TANK: variants seen among roughly 807,000 people sequenced by gnomAD.
The protein encoded by TANK is TRAF family member associated NFKB activator, also known as TRAF family member-associated NF-kappa-B activator.
A neutral mutation model predicts 43.6 loss-of-function variants in TANK; 15 were observed. The ratio of observed to expected loss-of-function variants is 0.34; its 90% confidence interval spans 0.23 to 0.53. TANK has a LOEUF of 0.53. TANK is among the 20% of genes least tolerant of loss of function. The pLI, the probability that TANK is intolerant of heterozygous loss-of-function variation, is 0.94. For synonymous variants in TANK, 162 were observed against 178.2 expected (o/e 0.91, Z 0.73); for missense variants, 417 against 498.6 (o/e 0.84, Z 1.56).
In TANK at chr2:161,165,039, C is replaced by CT. The variant is rs11314845; in HGVS notation, c.-50+4574dup. Among the ~76,000 whole-genome samples the CT allele has an allele frequency of 2.1e-3, 202 of 97,670 alleles. 1 individual carries two copies. Among genetic ancestry groups the CT allele is most frequent in the South Asian group, 8.7e-3 (27 of 3,110 alleles). The allele number at this position is 97,670 out of a possible 152,430, so 64.1% of individuals were successfully genotyped here. A position where few individuals can be genotyped will look rare whatever the true frequency, so the allele number is the denominator to read the frequency against. Reference sequence around the variant, plus strand: ...TAATAGCTTTTACTTAACACCAATACTTTTTTTTTTTTTTTTTTTTTGCAA... The same window carrying CT: ...TAATAGCTTTTACTTAACACCAATACTTTTTTTTTTTTTTTTTTTTTTGCAA... On this transcript the variant is annotated intron_variant, in intron 1 of 7. Coordinates refer to ENST00000392749, the MANE Select transcript of TANK (RefSeq NM_001199135.3).
chr2:161,186,927 A>G (rs1685686587), intron 2 of TANK, among the ~76,000 whole-genome samples: 1 of 152,192 alleles, frequency 6.6e-6, no homozygotes, highest in Non-Finnish European at 1.5e-5. Flanking sequence ...TGCTTACCAT[A>G]CTAATCATTA....
intron 2 of TANK, among the ~76,000 whole-genome samples, chr2:161,184,512 C>A (rs1685570495): frequency 6.6e-6 from 1 of 151,980 alleles, no homozygotes; most frequent in African/African-American, 2.4e-5. Flanking sequence ...TATTATACCT[C>A]AATTTTTTAA....
At chr2:161,223,870 G>C in intron 4 of TANK, 45 bp from the exon 5 acceptor site, 4 of 1,277,348 alleles carry the variant, frequency 3.1e-6, no homozygotes, top group Non-Finnish European at 3.3e-6. Context: ...ATTTGAATTT[G>C]GGAGCAATTT....
intron 6 of TANK, among the ~76,000 whole-genome samples, chr2:161,229,505 T>C (rs527902516): frequency 5.3e-5 from 8 of 152,316 alleles, no homozygotes; most frequent in South Asian, 2.1e-4. Context: ...AAGGCTGTTA[T>C]AATAATCCAA....
upstream of TANK, among the ~76,000 whole-genome samples, chr2:161,155,682 C>T (rs1245111431): frequency 1.3e-5 from 2 of 152,132 alleles, no homozygotes; most frequent in African/African-American, 2.4e-5. Flanking sequence ...TTTTTTCCAC[C>T]TGGATTCTTG....
chr2:161,231,435 T>A lies in TANK; in HGVS notation c.985T>A (p.Leu329Met), dbSNP rs1287727713. 3 of 1,614,064 alleles carry A rather than the reference T, an allele frequency of 1.9e-6. No individual in the cohort carries two copies. Among genetic ancestry groups the A allele is most frequent in the Non-Finnish European group, 2.5e-6 (3 of 1,180,032 alleles). ...GACAACTCTGGATAGAGCTGCGTGTTTGCCACCTGGAGACCATAATGCATT... is the reference window on the plus strand; with the variant it reads ...GACAACTCTGGATAGAGCTGCGTGTATGCCACCTGGAGACCATAATGCATT... The part of the protein sequence containing the change: ...IRTTLDRAAC[L>M]PPGDHNALYV... Residue 329 changes from leucine to methionine, a missense_variant, in exon 7 of 8, where the codon TTG becomes ATG. Leu to Met is a conservative substitution (Grantham distance 15). Coordinates refer to ENST00000392749, the MANE Select transcript of TANK (RefSeq NM_001199135.3).
rs187514019 is a variant in TANK at position 161,204,687 on chromosome 2, G to T, written c.221G>T (p.Gly74Val). The T allele has an allele frequency of 2.1e-3, 3,387 of 1,609,274 alleles. 11 individuals are homozygous for T. Among genetic ancestry groups the T allele is most frequent in the South Asian group, 3.4e-3 (309 of 90,506 alleles). ...TTTTGTCTTGCAGATAACAATTATG[G>T]CTGTGTTCCTCTGCTTGAAGACAGT... is the stretch of plus-strand genomic sequence containing the variant. ...LVNSTQDNNY[G>V]CVPLLEDSET... is the part of the protein sequence containing the mutation. Residue 74 changes from glycine (G) to valine (V), a missense_variant, in exon 4 of 8, where the codon GGC (glycine) becomes GTC (valine). Physicochemically the swap from Gly to Val is moderately radical, Grantham distance 109. Coordinates refer to ENST00000392749, the MANE Select transcript of TANK (RefSeq NM_001199135.3).
intron 6 of TANK, among the ~76,000 whole-genome samples, chr2:161,229,596 T>G (rs1212308124): frequency 6.6e-6 from 1 of 152,178 alleles, no homozygotes; most frequent in African/African-American, 2.4e-5. Context: ...TGGTTGCATT[T>G]TACTACACAT....
chr2:161,216,042 G>A (rs755484109), intron 4 of TANK, among the ~76,000 whole-genome samples: 7 of 151,990 alleles, frequency 4.6e-5, no homozygotes, highest in East Asian at 1.9e-4. Context: ...ATTCTAAGAC[G>A]AGCATCTTTT....
In TANK at chr2:161,231,085, T is replaced by C. The variant is rs1201936091; in HGVS notation, c.635T>C (p.Val212Ala). The C allele has an allele frequency of 6.2e-7, 1 of 1,614,014 alleles. No individual in the cohort carries two copies. The highest frequency in any genetic ancestry group is 1.3e-5 in the African/African-American group (1 of 74,920). Residue 212 changes from valine (V) to alanine (A), a missense_variant, in exon 7 of 8, where the codon GTC becomes GCC. Coordinates refer to ENST00000392749, the MANE Select transcript of TANK (RefSeq NM_001199135.3). ...AGAGGTGCACCATCCATCACATCTGTCACACCAAGAGGACTGTGCAGAGAT... is the reference window on the plus strand; with the variant it reads ...AGAGGTGCACCATCCATCACATCTGCCACACCAAGAGGACTGTGCAGAGAT... ...INRGAPSITS[V>A]TPRGLCRDEE...
At chr2:161,163,824 C>T (rs572254008) in intron 1 of TANK, among the ~76,000 whole-genome samples, 3 of 152,312 alleles carry the variant, frequency 2.0e-5, no homozygotes, top group African/African-American at 7.2e-5. Context: ...GCACATGGGG[C>T]AGTGCTGTCA....
chr2:161,201,190 A>T (rs745478974), intron 2 of TANK: 6 of 984,680 alleles, frequency 6.1e-6, no homozygotes, highest in Non-Finnish European at 7.2e-6. Context: ...CTCGACCTTT[A>T]TAATACTTTA....
intron 1 of TANK, among the ~76,000 whole-genome samples, chr2:161,178,664 A>C (rs1685281497): frequency 6.6e-6 from 1 of 152,180 alleles, no homozygotes; most frequent in Admixed American, 6.6e-5. Context: ...TACTATATGA[A>C]TTGTATCTCA....
intron 1 of TANK, chr2:161,161,115 C>A: frequency 8.4e-7 from 1 of 1,191,010 alleles, no homozygotes; most frequent in South Asian, 1.7e-5. Flanking sequence ...GTAGAGTCCT[C>A]ACGCCGGTGT....
At chr2:161,161,530 C>T in intron 1 of TANK, 1 of 1,469,460 alleles carries the variant, frequency 6.8e-7, no homozygotes, top group East Asian at 2.5e-5. Flanking sequence ...CTTCTCAGTC[C>T]TCTCCCCAGT....
intron 1 of TANK, chr2:161,160,706 TC>T (rs1684380711): frequency 2.0e-6 from 1 of 502,884 alleles, no homozygotes; most frequent in Non-Finnish European, 3.8e-6. Flanking sequence ...TGGGTTGGTT[TC>T]CGGGCCCGCG....
chr2:161,146,208 C>T (rs1264589225), intron 1 of TANK, among the ~76,000 whole-genome samples: 1 of 152,102 alleles, frequency 6.6e-6, no homozygotes, highest in Non-Finnish European at 1.5e-5. Context: ...CTGGTTATTC[C>T]ATTTAGTAGC....
intron 1 of TANK, among the ~76,000 whole-genome samples, chr2:161,142,483 TG>T (rs1366906212): frequency 2.0e-5 from 3 of 152,230 alleles, no homozygotes; most frequent in Non-Finnish European, 4.4e-5. Context: ...TAATCCATCT[TG>T]AGTTAATTTT....
chr2:161,199,958 T>C (rs1467999931), intron 2 of TANK, among the ~76,000 whole-genome samples: 5 of 152,246 alleles, frequency 3.3e-5, no homozygotes, highest in Non-Finnish European at 7.3e-5. Flanking sequence ...CCTCTTTAGA[T>C]GCTGGTAGAC....
Sources: gnomAD v4.1 joint callset for allele counts (sites outside exome capture counted in the v4.1 genomes callset) on GRCh38, gnomAD v4.1.1 for gene constraint, MANE v1.5 for transcripts, NCBI Gene and HGNC (gene_info 2026-07-23, HGNC 2026-07-21) for gene names.